The following RIOK1 variants were observed in gnomAD, a reference collection of about 807,000 sequenced individuals.
RIOK1 encodes serine/threonine-protein kinase RIO1.
RIOK1 carries 66 observed loss-of-function variants against 73.5 expected under a neutral mutation model. The observed-to-expected ratio is 0.90, with a 90% CI of 0.74 to 1.10. The LOEUF (loss-of-function observed/expected upper bound fraction) is 1.10. Ranked by LOEUF, RIOK1 falls within the 50% of genes least tolerant of loss-of-function variation. The pLI is 0.00. For missense variants in RIOK1, 658 were observed against 699.8 expected, an observed-to-expected ratio of 0.94 and a Z score of 0.67; for synonymous variants, 224 against 226.8, an observed-to-expected ratio of 0.99 and a Z score of 0.11.
intron 14 of RIOK1, 121 bp downstream of exon 14, chr6:7,411,572 T>C: frequency 4.0e-6 from 4 of 1,010,662 alleles, no homozygotes; most frequent in Non-Finnish European, 5.9e-6. Flanking sequence ...GCTAGTGAAA[T>C]GACTAACTCT....
At chr6:7,400,002 A>G (rs1400460963) in intron 5 of RIOK1, among the ~76,000 whole-genome samples, 1 of 152,240 alleles carries the variant, frequency 6.6e-6, no homozygotes, top group Non-Finnish European at 1.5e-5. Flanking sequence ...TGCCTGAGCC[A>G]CAAGGAGTTA....
At chr6:7,396,561 T>G in intron 3 of RIOK1, 142 bp from the exon 4 acceptor site, 1 of 470,602 alleles carries the variant, frequency 2.1e-6, no homozygotes, top group South Asian at 4.5e-5. Flanking sequence ...ATTGTTTTCA[T>G]TACTAAACTG....
At chr6:7,405,827 A>AAG (rs1561878961) in intron 12 of RIOK1, among the ~76,000 whole-genome samples, 1 of 130,632 alleles carries the variant, frequency 7.7e-6, no homozygotes. Context: ...AGTCAACTTG[A>AAG]TATCCAAGCT....
intron 1 of RIOK1, 35 bp downstream of exon 1, chr6:7,390,108 G>GGCTCTGC: frequency 1.9e-6 from 3 of 1,540,730 alleles, no homozygotes; most frequent in Non-Finnish European, 2.6e-6. Flanking sequence ...CTCTGGGTAC[G>GGCTCTGC]GCTCTCTCCT....
Position 7,417,466 on chromosome 6 carries a change from C to A in RIOK1, c.*25C>A. 1 of 1,385,398 alleles carries A rather than the reference C, an allele frequency of 7.2e-7. No homozygotes were observed. Among genetic ancestry groups the A allele is most frequent in the South Asian group, 1.4e-5 (1 of 73,262 alleles). 85.8% of individuals were successfully genotyped at this position (1,385,398 alleles called of 1,614,324 possible). A position where few individuals can be genotyped will look rare whatever the true frequency, so the allele number is the denominator to read the frequency against. ...GAATGAGAACCATATTATGTACAGT[C>A]ATTTTCCTCAGTTCCTTTTCTCGCC... On this transcript the variant is annotated 3_prime_UTR_variant, in exon 17 of 17. Transcript: ENST00000379834.
intron 5 of RIOK1, among the ~76,000 whole-genome samples, chr6:7,400,458 T>G (rs1761583006): frequency 6.6e-6 from 1 of 152,228 alleles, no homozygotes; most frequent in Non-Finnish European, 1.5e-5. Flanking sequence ...AGATGTGCTT[T>G]AAATGCAAAA....
chr6:7,402,407 G>A (rs932957892), intron 6 of RIOK1, among the ~76,000 whole-genome samples, 196 bp from the exon 7 acceptor site: 3 of 152,194 alleles, frequency 2.0e-5, no homozygotes, highest in Non-Finnish European at 4.4e-5. Context: ...GCACGTGACT[G>A]TATTTGTATA....
intron 12 of RIOK1, among the ~76,000 whole-genome samples, chr6:7,409,783 C>T (rs1209292371): frequency 3.7e-5 from 5 of 134,710 alleles, no homozygotes; most frequent in South Asian, 2.6e-4. Flanking sequence ...CACTGATTTT[C>T]GTGTCTAAAC....
In RIOK1 at chr6:7,396,748, A is replaced by C; in HGVS notation, c.413A>C (p.Lys138Thr). 1 of 1,599,512 alleles carries C rather than the reference A, an allele frequency of 6.3e-7. No homozygotes were observed. The highest frequency in any genetic ancestry group is 8.6e-7 in the Non-Finnish European group (1 of 1,167,950). Residue 138 changes from lysine (K) to threonine (T), a missense_variant, in exon 4 of 17, where the codon AAG becomes ACG. Transcript: ENST00000379834. ...TCCGTCATAAATAAAGTCACCGAAA[A>C]GTCTAGACAAAAGGAAGCAGATATG... Reference protein sequence around the residue: ...TDSVINKVTEKSRQKEADMYR... With the variant: ...TDSVINKVTETSRQKEADMYR...
rs77662874 is a variant in RIOK1 at position 7,391,037 on chromosome 6, A to G, written c.71+964A>G. On this transcript the variant is annotated intron_variant, in intron 1 of 16. Coordinates refer to ENST00000379834, the MANE Select transcript of RIOK1 (RefSeq NM_031480.3). ...GCGTTTGGTGGTAGACTGGACGTGG[A>G]GTCTGGGGAAAGAGGGATGAAGGAT... Among the ~76,000 whole-genome samples the G allele has an allele frequency of 2.0e-4, 31 of 152,242 alleles. No homozygotes were observed. The South Asian group carries it at 5.6e-3, about 28-fold the overall frequency.
intron 8 of RIOK1, among the ~76,000 whole-genome samples, chr6:7,403,550 T>G (rs905875488): frequency 6.6e-6 from 1 of 152,244 alleles, no homozygotes; most frequent in Non-Finnish European, 1.5e-5. Flanking sequence ...GTTTTGAAAG[T>G]CTTTTGTGTT....
chr6:7,390,041 C>CG lies in RIOK1; in HGVS notation c.42dup (p.Gln15AlafsTer9). ...GGCTTCTCATGAGCCGGGTGGTCCCCGGGCAATTCGACGACGCGGACTCCT... is the reference window on the plus strand; with the variant it reads ...GGCTTCTCATGAGCCGGGTGGTCCCCGGGGCAATTCGACGACGCGGACTCCT... On this transcript the variant is annotated frameshift_variant, in exon 1 of 17. Transcript: ENST00000379834. LOFTEE classifies it high-confidence loss of function. The CG allele has an allele frequency of 1.3e-6, 2 of 1,558,940 alleles. No individual in the cohort carries two copies. Among genetic ancestry groups the CG allele is most frequent in the Non-Finnish European group, 8.7e-7 (1 of 1,151,472 alleles).
At chr6:7,405,505 A>C (rs551301621) in intron 12 of RIOK1, 150 bp downstream of exon 12, 133 of 521,554 alleles carry the variant, frequency 2.6e-4, no homozygotes, top group Non-Finnish European at 2.9e-4. Context: ...TGAGCATCCG[A>C]AATATCAAAA....
intron 13 of RIOK1, among the ~76,000 whole-genome samples, chr6:7,410,892 G>A (rs1308803016): frequency 1.3e-5 from 2 of 152,140 alleles, no homozygotes. Context: ...AACTCTTAAT[G>A]GTTGACTATG....
rs1030933027 is a variant in RIOK1 at position 7,402,618 on chromosome 6, G to A, written c.589G>A (p.Ala197Thr). The A allele has an allele frequency of 1.9e-6, 3 of 1,604,686 alleles. No homozygotes were observed. The highest frequency in any genetic ancestry group is 2.2e-5 in the East Asian group (1 of 44,752). Residue 197 changes from alanine (A) to threonine (T), a missense_variant, in exon 7 of 17, where the codon GCT (alanine) becomes ACT (threonine). Physicochemically the swap from Ala to Thr is moderately conservative, Grantham distance 58 (BLOSUM62 0). Coordinates refer to ENST00000379834, the MANE Select transcript of RIOK1 (RefSeq NM_031480.3). ...STGKEANVYH[A>T]STANGESRAI... ...CTTAATATAGGCTAATGTATACCAT[G>A]CTAGCACAGCAAATGGAGAGAGCAG...
chr6:7,405,114 T>A, intron 11 of RIOK1, 93 bp downstream of exon 11: 1 of 1,192,150 alleles, frequency 8.4e-7, no homozygotes, highest in Non-Finnish European at 1.2e-6. Context: ...CTCACTAAAT[T>A]GTTTGGTGCA....
intron 15 of RIOK1, among the ~76,000 whole-genome samples, chr6:7,413,186 T>C (rs546550920): frequency 3.9e-5 from 6 of 152,326 alleles, no homozygotes; most frequent in Admixed American, 3.9e-4. Context: ...TCTGAATTGT[T>C]CAGTGATTGC....
At chr6:7,399,421 T>C (rs1761559374) in intron 5 of RIOK1, among the ~76,000 whole-genome samples, 1 of 152,178 alleles carries the variant, frequency 6.6e-6, no homozygotes, top group Non-Finnish European at 1.5e-5. Flanking sequence ...GTTTATTTTG[T>C]GATTTATTTC....
chr6:7,395,265 G>T (rs1458431948), intron 3 of RIOK1, 122 bp downstream of exon 3: 1 of 1,041,208 alleles, frequency 9.6e-7, no homozygotes, highest in African/African-American at 1.6e-5. Context: ...TGTAATCCCG[G>T]CACTTTGGGA....
Sources: gnomAD v4.1 joint callset for allele counts (sites outside exome capture counted in the v4.1 genomes callset) on GRCh38, gnomAD v4.1.1 for gene constraint, MANE v1.5 for transcripts, NCBI Gene and HGNC (gene_info 2026-07-23, HGNC 2026-07-21) for gene names.